The following ZNRF3 variants were observed in gnomAD, a reference collection of about 807,000 sequenced individuals.
The protein encoded by ZNRF3 is E3 ubiquitin-protein ligase ZNRF3.
ZNRF3 carries 23 observed loss-of-function variants against 72.5 expected under a neutral mutation model. The ratio of observed to expected loss-of-function variants is 0.32; its 90% CI spans 0.23 to 0.45. The LOEUF (loss-of-function observed/expected upper bound fraction) is 0.45. Among genes scored for constraint, ZNRF3 ranks in the 20% least tolerant of loss-of-function variants. The pLI, the probability that ZNRF3 is intolerant of heterozygous loss-of-function variation, is 1.00. For missense variants in ZNRF3, 1,169 were observed against 1,272.1 expected, an observed-to-expected ratio of 0.92 and a Z score of 1.23; for synonymous variants, 610 against 545.3, an observed-to-expected ratio of 1.12 and a Z score of -1.65.
intron 1 of ZNRF3, among the ~76,000 whole-genome samples, chr22:28,891,661 C>G (rs1442883556): frequency 1.3e-5 from 2 of 152,240 alleles, no homozygotes; most frequent in African/African-American, 4.8e-5. Context: ...TCTGTTTTCA[C>G]AAGCCCGCTT....
Position 29,050,493 on chromosome 22 carries a change from G to T in ZNRF3, c.2312G>T (p.Gly771Val). Residue 771 changes from glycine to valine, a missense_variant, in exon 8 of 9, where the codon GGG (glycine) becomes GTG (valine). This residue lies in a region of ZNRF3 where 783 missense variants were observed against 731.4 expected (regional missense o/e 1.07). Transcript: ENST00000544604. ...LHPDHLPRTDGVKYEGLPCCF... is the reference protein window; with the variant it reads ...LHPDHLPRTDVVKYEGLPCCF... Reference sequence around the variant, plus strand: ...CCCGACCATTTGCCCAGGACAGATGGGGTGAAATACGAGGGTCTGCCCTGC... The same window carrying T: ...CCCGACCATTTGCCCAGGACAGATGTGGTGAAATACGAGGGTCTGCCCTGC... 1 of 1,612,812 alleles carries T rather than the reference G, an allele frequency of 6.2e-7. No individual in the cohort carries two copies. Among genetic ancestry groups the T allele is most frequent in the Non-Finnish European group, 8.5e-7 (1 of 1,179,930 alleles).
In ZNRF3 at chr22:29,050,537, C is replaced by A. The variant is rs1361377663; in HGVS notation, c.2356C>A (p.Gln786Lys). ...GCCCTGCTGCTTCTATGAAGAGAAG[C>A]AGGTGGCCCGCGGGGGCGGAGGGGG... is the stretch of plus-strand genomic sequence containing the variant. ...GLPCCFYEEKQVARGGGGGSG... is the reference protein window; with the variant it reads ...GLPCCFYEEKKVARGGGGGSG... Residue 786 changes from glutamine to lysine, a missense_variant, in exon 8 of 9, where the codon CAG becomes AAG. This residue lies in a region of ZNRF3 where 783 missense variants were observed against 731.4 expected (regional missense o/e 1.07). Transcript: ENST00000544604. The A allele has an allele frequency of 6.2e-7, 1 of 1,611,364 alleles. No homozygotes were observed. The highest frequency in any genetic ancestry group is 8.5e-7 in the Non-Finnish European group (1 of 1,179,172).
At chr22:28,991,846 A>G (rs987327131) in intron 2 of ZNRF3, among the ~76,000 whole-genome samples, 17 of 151,986 alleles carry the variant, frequency 1.1e-4, no homozygotes, top group Admixed American at 7.2e-4. Context: ...TTTTCTAGAT[A>G]AAAATCAGAT....
At chr22:28,994,467 G>T (rs1392898823) in intron 2 of ZNRF3, among the ~76,000 whole-genome samples, 1 of 152,032 alleles carries the variant, frequency 6.6e-6, no homozygotes, top group Non-Finnish European at 1.5e-5. Flanking sequence ...GGGATTACAG[G>T]CATGAGCCAC....
At chr22:29,011,520 C>T (rs1159955429) in intron 2 of ZNRF3, among the ~76,000 whole-genome samples, 1 of 152,180 alleles carries the variant, frequency 6.6e-6, no homozygotes, top group Non-Finnish European at 1.5e-5. Context: ...GCTCCGAAAC[C>T]TATAATTCGC....
chr22:29,043,686 C>A (rs1435816194), intron 4 of ZNRF3, among the ~76,000 whole-genome samples: 3 of 152,156 alleles, frequency 2.0e-5, no homozygotes, highest in African/African-American at 7.2e-5. Context: ...CCTGGCATTC[C>A]CTCTTGGCCA....
intron 1 of ZNRF3, among the ~76,000 whole-genome samples, chr22:28,895,047 C>T (rs571592891): frequency 1.3e-5 from 2 of 152,224 alleles, no homozygotes; most frequent in South Asian, 2.1e-4. Context: ...ATGCCTGGCC[C>T]TGTAGACACT....
At chr22:28,936,825 G>T (rs1167483178) in intron 1 of ZNRF3, among the ~76,000 whole-genome samples, 1 of 152,022 alleles carries the variant, frequency 6.6e-6, no homozygotes, top group East Asian at 1.9e-4. Context: ...AAAATTCTAG[G>T]CGTCTTCTAC....
At chr22:28,895,137 C>G (rs945538518) in intron 1 of ZNRF3, among the ~76,000 whole-genome samples, 1 of 152,200 alleles carries the variant, frequency 6.6e-6, no homozygotes, top group Admixed American at 6.5e-5. Flanking sequence ...TCTTTTCTCT[C>G]CTTCCCCAAC....
rs113230967 is a variant in ZNRF3 at position 28,946,116 on chromosome 22, A to G, written c.301-40960A>G. On this transcript the variant is annotated intron_variant, in intron 1 of 8. Transcript: ENST00000544604. The stretch of plus-strand genomic sequence containing the variant: ...ATGCTCAACTGGTCCGTATAATGCA[A>G]ATATTTGAGGATCTGGTCCCAAGCA... Among the ~76,000 whole-genome samples the G allele has an allele frequency of 4.1e-3, 631 of 152,310 alleles. 8 individuals carry two copies. The highest frequency in any genetic ancestry group is 0.014 in the African/African-American group (586 of 41,568).
chr22:29,011,590 T>C (rs1221319103), intron 2 of ZNRF3, among the ~76,000 whole-genome samples: 1 of 152,248 alleles, frequency 6.6e-6, no homozygotes, highest in Non-Finnish European at 1.5e-5. Context: ...CTTTTATCTT[T>C]AGGTTCTGAA....
intron 1 of ZNRF3, among the ~76,000 whole-genome samples, chr22:28,929,973 T>TA (rs2034675903): frequency 6.6e-6 from 1 of 152,126 alleles, no homozygotes; most frequent in South Asian, 2.1e-4. Flanking sequence ...AAAATAGAAA[T>TA]AAAAAACATT....
At position 28,884,068 on chromosome 22, in the gene ZNRF3, T is replaced by C. The variant is rs1414704147; in HGVS notation, c.300+2T>C. 8.2e-7 allele frequency: 1 copy of C among 1,219,920 alleles called. No homozygotes were observed. The highest frequency in any genetic ancestry group is 1.6e-5 in the South Asian group (1 of 61,748). 75.6% of individuals were successfully genotyped at this position (1,219,920 alleles called of 1,614,324 possible). The stretch of plus-strand genomic sequence containing the variant: ...AGCGCCGAGGGCGAGATCGTGCAGG[T>C]AGCTGCCCGCCGCCCGGGCCCCGCG... On this transcript the variant is annotated splice_donor_variant, in intron 1 of 8. Coordinates refer to ENST00000544604, the MANE Select transcript of ZNRF3 (RefSeq NM_001206998.2). LOFTEE classifies it high-confidence loss of function.
intron 1 of ZNRF3, among the ~76,000 whole-genome samples, chr22:28,933,847 C>A (rs2034770994): frequency 6.8e-6 from 1 of 147,986 alleles, no homozygotes; most frequent in Admixed American, 6.8e-5. Flanking sequence ...GTGATTATTT[C>A]ATTGTATCAT....
intron 1 of ZNRF3, among the ~76,000 whole-genome samples, chr22:28,945,764 G>GTGATCTGCCCGCCTCGGCCTCC (rs1569256158): frequency 6.6e-6 from 1 of 151,876 alleles, no homozygotes; most frequent in Non-Finnish European, 1.5e-5. Flanking sequence ...TCTTGACCTC[G>GTGATCTGCCCGCCTCGGCCTCC]TGATCTGCCC....
intron 1 of ZNRF3, among the ~76,000 whole-genome samples, chr22:28,948,024 T>C (rs1420247578): frequency 6.6e-6 from 1 of 151,940 alleles, no homozygotes; most frequent in Non-Finnish European, 1.5e-5. Context: ...TTTGTATTTT[T>C]AGTAGAGACG....
intron 2 of ZNRF3, among the ~76,000 whole-genome samples, chr22:29,002,922 G>C (rs899184616): frequency 6.6e-6 from 1 of 152,168 alleles, no homozygotes; most frequent in African/African-American, 2.4e-5. Flanking sequence ...CTAGACCAGA[G>C]ACCATTTCCC....
chr22:28,949,611 C>G (rs1029073179), intron 1 of ZNRF3, among the ~76,000 whole-genome samples: 5 of 152,196 alleles, frequency 3.3e-5, no homozygotes, highest in Non-Finnish European at 7.3e-5. Flanking sequence ...AGAAAAGTCT[C>G]TAAGTATCAG....
chr22:28,883,617 C>A lies in ZNRF3; in HGVS notation c.-150C>A. ...AGATGAAAGGGCCGCGGCGCGACGG[C>A]CGGGGGAGCCGAGCTGAGCCTGCGA... On this transcript the variant is annotated 5_prime_UTR_variant, in exon 1 of 9. Coordinates refer to ENST00000544604, the MANE Select transcript of ZNRF3 (RefSeq NM_001206998.2). The surrounding 1 kb of genome is among the most constrained non-coding windows in gnomAD (Gnocchi z 5.5). 2 of 785,436 alleles carry A rather than the reference C, an allele frequency of 2.5e-6. No homozygotes were observed. Among genetic ancestry groups the A allele is most frequent in the Non-Finnish European group, 3.1e-6 (2 of 647,144 alleles). 48.7% of individuals were successfully genotyped at this position (785,436 alleles called of 1,614,324 possible).
Sources: allele counts gnomAD v4.1 joint callset (sites outside exome capture counted in the v4.1 genomes callset), GRCh38; gene constraint gnomAD v4.1.1; regional missense constraint gnomAD v4.1.1; non-coding constraint Gnocchi (gnomAD v3.1); transcripts MANE v1.5; gene names NCBI Gene and HGNC (gene_info 2026-07-23, HGNC 2026-07-21).